CFAP299: variants seen among roughly 807,000 people sequenced by gnomAD.
CFAP299 encodes the protein cilia and flagella associated protein 299, also known as cilia- and flagella-associated protein 299.
Under a neutral mutation model 27.0 loss-of-function variants are expected in CFAP299, and 21 were observed. That is an observed-to-expected ratio of 0.78 (90% CI 0.55 to 1.12). CFAP299 has a LOEUF of 1.12. Among genes scored for constraint, CFAP299 ranks in the 50% most tolerant of loss-of-function variants. The pLI, the probability that CFAP299 is intolerant of heterozygous loss-of-function variation, is 0.00. For missense variants in CFAP299, 310 were observed against 276.6 expected (o/e 1.12, Z -0.86); for synonymous variants, 104 against 98.1 (o/e 1.06, Z -0.36).
intron 5 of CFAP299, among the ~76,000 whole-genome samples, chr4:80,957,063 G>A (rs183813818): frequency 3.4e-4 from 51 of 152,038 alleles, no homozygotes; most frequent in Admixed American, 1.4e-3. Flanking sequence ...TTTGTTTATC[G>A]TTCTTTTCAT....
intron 3 of CFAP299, among the ~76,000 whole-genome samples, chr4:80,645,001 C>G (rs572520759): frequency 4.6e-5 from 7 of 151,960 alleles, no homozygotes; most frequent in African/African-American, 1.2e-4. Context: ...ATGCACCAGC[C>G]CCCCCTCAGA....
chr4:80,545,674 G>A lies in CFAP299; in HGVS notation c.243-37419G>A, dbSNP rs539068690. ...CAAATTCTACCAGATTTACAAACAA[G>A]AGATAGTACCATTTCTACTAAAACC... is the stretch of plus-strand genomic sequence containing the variant. On this transcript the variant is annotated intron_variant, in intron 2 of 5. Coordinates refer to ENST00000358105, the MANE Select transcript of CFAP299 (RefSeq NM_152770.3). Among the ~76,000 whole-genome samples the A allele has an allele frequency of 2.5e-3, 375 of 149,918 alleles. 1 individual carries two copies. The highest frequency in any genetic ancestry group is 8.6e-3 in the African/African-American group (356 of 41,404).
intron 3 of CFAP299, among the ~76,000 whole-genome samples, chr4:80,799,350 T>G (rs1203414280): frequency 1.0e-5 from 1 of 96,102 alleles, no homozygotes; most frequent in South Asian, 3.1e-4. Context: ...TATATATAAA[T>G]GTATTTATAT....
intron 3 of CFAP299, among the ~76,000 whole-genome samples, chr4:80,764,765 T>TA (rs1359113340): frequency 3.3e-5 from 5 of 152,114 alleles, no homozygotes; most frequent in Admixed American, 2.0e-4. Context: ...TATGCAGCCA[T>TA]AAAAAAGGAT....
At chr4:80,836,309 T>TA (rs992731733) in intron 3 of CFAP299, among the ~76,000 whole-genome samples, 3 of 152,050 alleles carry the variant, frequency 2.0e-5, no homozygotes, top group Non-Finnish European at 4.4e-5. Context: ...GTTAGCAGCT[T>TA]AAAAAAAACA....
rs780497729 is a variant in CFAP299, at chr4:80,869,988, A to C, written c.334-5A>C. The C allele has an allele frequency of 6.2e-7, 1 of 1,607,290 alleles. No individual in the cohort carries two copies. Among genetic ancestry groups the C allele is most frequent in the Admixed American group, 1.7e-5 (1 of 58,768 alleles). On this transcript the variant is annotated splice_polypyrimidine_tract_variant and splice_region_variant and intron_variant, in intron 3 of 5. Coordinates refer to ENST00000358105, the MANE Select transcript of CFAP299 (RefSeq NM_152770.3). ...TTTGTCTTATTCTCTATTCTGTGCT[A>C]CCAGTCCGTGATCTTTATTCGTGAC...
intron 3 of CFAP299, among the ~76,000 whole-genome samples, chr4:80,809,959 C>T (rs762649872): frequency 4.6e-5 from 7 of 152,008 alleles, no homozygotes; most frequent in Non-Finnish European, 8.8e-5. Context: ...TATCTTTACC[C>T]ATAAAGTGAA....
intron 3 of CFAP299, among the ~76,000 whole-genome samples, chr4:80,819,004 A>G (rs1196243278): frequency 6.6e-6 from 1 of 152,124 alleles, no homozygotes; most frequent in East Asian, 1.9e-4. Flanking sequence ...ATCACTTAAA[A>G]GGATTGATGG....
chr4:80,811,919 T>G (rs1729173531), intron 3 of CFAP299, among the ~76,000 whole-genome samples: 1 of 151,662 alleles, frequency 6.6e-6, no homozygotes, highest in African/African-American at 2.4e-5. Context: ...GAAGAGGTAA[T>G]AAATACATAA....
intron 2 of CFAP299, among the ~76,000 whole-genome samples, chr4:80,578,790 T>A (rs571400697): frequency 5.3e-5 from 8 of 152,208 alleles, no homozygotes; most frequent in Non-Finnish European, 1.0e-4. Flanking sequence ...ATATTCCATC[T>A]TATATTTTAG....
chr4:80,757,819 C>G (rs1725326187), intron 3 of CFAP299, among the ~76,000 whole-genome samples: 1 of 151,932 alleles, frequency 6.6e-6, no homozygotes. Flanking sequence ...TGGGTGGGAA[C>G]TGGAATGCAT....
chr4:80,550,980 G>A (rs958488493), intron 2 of CFAP299, among the ~76,000 whole-genome samples: 4 of 152,050 alleles, frequency 2.6e-5, no homozygotes, highest in Non-Finnish European at 4.4e-5. Context: ...AAAATATATT[G>A]TTAAAGATGG....
At chr4:80,917,715 G>T (rs978665696) in intron 4 of CFAP299, among the ~76,000 whole-genome samples, 3 of 152,118 alleles carry the variant, frequency 2.0e-5, no homozygotes, top group Non-Finnish European at 4.4e-5. Context: ...TTTGAGGAAA[G>T]ATTTCATACA....
intron 3 of CFAP299, among the ~76,000 whole-genome samples, chr4:80,684,151 A>G (rs1314239953): frequency 6.6e-6 from 1 of 152,176 alleles, no homozygotes; most frequent in East Asian, 1.9e-4. Context: ...TCTGTTATAC[A>G]ATAATTAATT....
intron 3 of CFAP299, among the ~76,000 whole-genome samples, chr4:80,678,514 A>G (rs954139157): frequency 6.6e-6 from 1 of 152,074 alleles, no homozygotes; most frequent in Non-Finnish European, 1.5e-5. Context: ...TGCTATTATT[A>G]ACTCTATTTT....
chr4:80,348,973 A>T (rs1450600645), intron 1 of CFAP299, among the ~76,000 whole-genome samples: 1 of 152,190 alleles, frequency 6.6e-6, no homozygotes, highest in African/African-American at 2.4e-5. Context: ...AGCTGTTAAC[A>T]CGGTTGATGA....
intron 2 of CFAP299, among the ~76,000 whole-genome samples, chr4:80,449,602 AC>A (rs1340540811): frequency 6.6e-6 from 1 of 151,610 alleles, no homozygotes; most frequent in East Asian, 1.9e-4. Context: ...TTCTTAAAAA[AC>A]GTTTTAAATT....
chr4:80,498,090 C>A (rs988956490), intron 2 of CFAP299, among the ~76,000 whole-genome samples: 2 of 152,000 alleles, frequency 1.3e-5, no homozygotes, highest in Non-Finnish European at 2.9e-5. Flanking sequence ...ATACAAAAAT[C>A]AACTCAGGAT....
intron 3 of CFAP299, among the ~76,000 whole-genome samples, chr4:80,743,067 G>A (rs1236269360): frequency 6.6e-6 from 1 of 152,060 alleles, no homozygotes; most frequent in African/African-American, 2.4e-5. Flanking sequence ...TGCTTTTGTA[G>A]TTAACCTGAT....
Sources: gnomAD v4.1 joint callset for allele counts (sites outside exome capture counted in the v4.1 genomes callset) on GRCh38, gnomAD v4.1.1 for gene constraint, MANE v1.5 for transcripts, NCBI Gene and HGNC (gene_info 2026-07-23, HGNC 2026-07-21) for gene names.